Variants in CMTM8 observed in about 807,000 individuals in gnomAD.
CMTM8 encodes the protein CKLF like MARVEL transmembrane domain containing 8, also known as CKLF-like MARVEL transmembrane domain-containing protein 8.
Under a neutral mutation model 18.6 loss-of-function variants are expected in CMTM8, and 12 were observed. That is an observed-to-expected ratio of 0.65 (90% CI 0.41 to 1.05). CMTM8 has a LOEUF of 1.05. Among genes scored for constraint, CMTM8 ranks in the 50% least tolerant of loss-of-function variants. CMTM8 has a pLI of 0.00. For synonymous variants in CMTM8, 87 were observed against 90.6 expected (o/e 0.96, Z 0.23); for missense variants, 217 against 227.2 (o/e 0.95, Z 0.29).
chr3:32,335,749 A>C (rs1246857990), intron 1 of CMTM8, among the ~76,000 whole-genome samples: 1 of 152,120 alleles, frequency 6.6e-6, no homozygotes, highest in Admixed American at 6.5e-5. Context: ...ATAACCCGGG[A>C]ATTTCAGAAT....
At chr3:32,309,917 C>T (rs1394357366) in intron 1 of CMTM8, among the ~76,000 whole-genome samples, 1 of 152,236 alleles carries the variant, frequency 6.6e-6, no homozygotes, top group Non-Finnish European at 1.5e-5. Flanking sequence ...TGCCCCCAGG[C>T]ATCAGATGAC....
At chr3:32,328,397 T>C (rs1445757032) in intron 1 of CMTM8, among the ~76,000 whole-genome samples, 1 of 86,892 alleles carries the variant, frequency 1.2e-5, no homozygotes, top group African/African-American at 4.4e-5. Context: ...AAAAAAAAAG[T>C]AATCCCGGCT....
intron 1 of CMTM8, among the ~76,000 whole-genome samples, chr3:32,290,149 T>C (rs567383755): frequency 1.8e-4 from 27 of 152,126 alleles, no homozygotes; most frequent in Non-Finnish European, 3.2e-4. Flanking sequence ...AAACAGTCAT[T>C]ATTCATAATC....
intron 1 of CMTM8, among the ~76,000 whole-genome samples, chr3:32,281,873 C>G (rs1448541993): frequency 6.6e-6 from 1 of 151,442 alleles, no homozygotes; most frequent in Non-Finnish European, 1.5e-5. Flanking sequence ...AGGTCACTGT[C>G]CTAATTTTTT....
chr3:32,308,340 C>G (rs1257628438), intron 1 of CMTM8, among the ~76,000 whole-genome samples: 1 of 152,184 alleles, frequency 6.6e-6, no homozygotes, highest in African/African-American at 2.4e-5. Context: ...ATTGAGTTGT[C>G]TTTATAGAGA....
intron 2 of CMTM8, among the ~76,000 whole-genome samples, chr3:32,363,034 G>A (rs561282906): frequency 9.0e-5 from 6 of 66,834 alleles, no homozygotes; most frequent in East Asian, 4.0e-4. Flanking sequence ...AAGTTACTGT[G>A]TATACTTTAT....
intron 1 of CMTM8, among the ~76,000 whole-genome samples, chr3:32,330,865 A>G (rs139680309): frequency 1.4e-3 from 213 of 152,322 alleles, no homozygotes; most frequent in African/African-American, 4.9e-3. Flanking sequence ...ACCTAAATGT[A>G]AGACCTGAAA....
In CMTM8 at chr3:32,342,212, C is replaced by T. The variant is rs558151711; in HGVS notation, c.148-15161C>T. On this transcript the variant is annotated intron_variant, in intron 1 of 3. Transcript: ENST00000307526. Reference sequence around the variant, plus strand: ...GCAGTGAGCCAAGATCGCACCACTGCAGTCCAGCGTAGGCAACAGAATGAG... The same window carrying T: ...GCAGTGAGCCAAGATCGCACCACTGTAGTCCAGCGTAGGCAACAGAATGAG... Among the ~76,000 whole-genome samples the T allele has an allele frequency of 2.0e-5, 3 of 152,314 alleles. No homozygotes were observed. In the East Asian group the frequency reaches 5.8e-4, roughly 29 times the overall value.
intron 1 of CMTM8, among the ~76,000 whole-genome samples, chr3:32,247,458 G>A (rs1335103634): frequency 1.3e-5 from 2 of 152,054 alleles, no homozygotes; most frequent in Admixed American, 6.6e-5. Flanking sequence ...GATTACAGGC[G>A]TGCGCCACCA....
chr3:32,345,843 A>G (rs962696318), intron 1 of CMTM8, among the ~76,000 whole-genome samples: 6 of 152,266 alleles, frequency 3.9e-5, no homozygotes, highest in Non-Finnish European at 7.3e-5. Flanking sequence ...CTGTTACTGC[A>G]GATGGCTTAG....
At chr3:32,265,679 A>G (rs994715099) in intron 1 of CMTM8, among the ~76,000 whole-genome samples, 7 of 152,218 alleles carry the variant, frequency 4.6e-5, no homozygotes, top group African/African-American at 1.4e-4. Flanking sequence ...TTTTTTTGAA[A>G]AGATCAACAA....
At chr3:32,283,561 G>A (rs570621661) in intron 1 of CMTM8, among the ~76,000 whole-genome samples, 4 of 152,198 alleles carry the variant, frequency 2.6e-5, no homozygotes, top group Non-Finnish European at 4.4e-5. Flanking sequence ...CATTGATCCC[G>A]GGACACGTCT....
chr3:32,295,998 T>G (rs975042450), intron 1 of CMTM8, among the ~76,000 whole-genome samples: 3 of 152,174 alleles, frequency 2.0e-5, no homozygotes, highest in Non-Finnish European at 4.4e-5. Context: ...CTATATATCC[T>G]TTAAATCCTT....
chr3:32,277,025 C>T (rs988593364), intron 1 of CMTM8, among the ~76,000 whole-genome samples: 3 of 151,782 alleles, frequency 2.0e-5, no homozygotes, highest in African/African-American at 7.2e-5. Context: ...GCTGGGACTA[C>T]AGGCACATCC....
intron 1 of CMTM8, among the ~76,000 whole-genome samples, chr3:32,316,811 G>A (rs949039581): frequency 1.3e-5 from 2 of 149,912 alleles, no homozygotes; most frequent in African/African-American, 5.1e-5. Flanking sequence ...TTAGAAACCA[G>A]TTATTACATG....
At chr3:32,257,589 T>C (rs748209597) in intron 1 of CMTM8, among the ~76,000 whole-genome samples, 12 of 152,200 alleles carry the variant, frequency 7.9e-5, no homozygotes, top group Non-Finnish European at 1.6e-4. Context: ...TTTATTATGG[T>C]TTTAATAGTT....
rs113311414 is a variant in CMTM8 at position 32,345,604 on chromosome 3, C to T, written c.148-11769C>T. On this transcript the variant is annotated intron_variant, in intron 1 of 3. Transcript: ENST00000307526. The stretch of plus-strand genomic sequence containing the variant: ...TTCACAGGAGAGGTTGGAAAAGAAA[C>T]CTTAGGTCATTAAAAAAGTAGAAAC... 8.6e-3 allele frequency among the ~76,000 whole-genome samples: 1,302 copies of T among 152,102 alleles called. 12 individuals carry two copies. The highest frequency in any genetic ancestry group is 0.03 in the African/African-American group (1,244 of 41,468).
intron 1 of CMTM8, among the ~76,000 whole-genome samples, chr3:32,357,139 G>A (rs1310949193): frequency 6.6e-6 from 1 of 152,126 alleles, no homozygotes; most frequent in Non-Finnish European, 1.5e-5. Flanking sequence ...AGCTACTTGG[G>A]AGGCTAAGGA....
chr3:32,345,549 ATATAT>A lies in CMTM8; in HGVS notation c.148-11822_148-11818del, dbSNP rs553771006. Among the ~76,000 whole-genome samples, 536 of 152,324 alleles carry A rather than the reference ATATAT, an allele frequency of 3.5e-3. 6 individuals carry two copies. Among genetic ancestry groups the A allele is most frequent in the African/African-American group, 0.012 (508 of 41,570 alleles). On this transcript the variant is annotated intron_variant, in intron 1 of 3. Transcript: ENST00000307526. ...TAATTTTGAAAAGGAGGTACAGAAA[ATATAT>A]TTAATTGAGCTCATTAACTTATTGT...
Sources: gnomAD v4.1 joint callset for allele counts (sites outside exome capture counted in the v4.1 genomes callset) on GRCh38, gnomAD v4.1.1 for gene constraint, MANE v1.5 for transcripts, NCBI Gene and HGNC (gene_info 2026-07-23, HGNC 2026-07-21) for gene names.